DLG1: variants seen among roughly 807,000 people sequenced by gnomAD.
DLG1 encodes the protein discs large MAGUK scaffold protein 1.
DLG1 carries 42 observed loss-of-function variants against 123.4 expected under a neutral mutation model. The observed-to-expected ratio is 0.34, with a 90% CI of 0.27 to 0.44. DLG1 has a LOEUF of 0.44. Among genes scored for constraint, DLG1 ranks in the 20% least tolerant of loss-of-function variants. The pLI, the probability that DLG1 is intolerant of heterozygous loss-of-function variation, is 1.00. For synonymous variants in DLG1, 317 were observed against 356.2 expected (o/e 0.89, Z 1.24); for missense variants, 942 against 1,082.6 (o/e 0.87, Z 1.82).
At chr3:197,051,472 ACGG>A in intron 24 of DLG1, 102 bp downstream of exon 24, 1 of 825,116 alleles carries the variant, frequency 1.2e-6, no homozygotes, top group South Asian at 1.5e-5. Flanking sequence ...ACTAGTTACT[ACGG>A]GTAGATGTAG....
At chr3:197,132,082 C>T (rs906165199) in intron 10 of DLG1, among the ~76,000 whole-genome samples, 1 of 152,004 alleles carries the variant, frequency 6.6e-6, no homozygotes, top group African/African-American at 2.4e-5. Context: ...CTCTTTCATG[C>T]TTGCTTTCAG....
At chr3:197,124,781 A>G (rs1453025357) in intron 11 of DLG1, among the ~76,000 whole-genome samples, 1 of 152,180 alleles carries the variant, frequency 6.6e-6, no homozygotes, top group East Asian at 1.9e-4. Flanking sequence ...ACATGGTAGG[A>G]AAATCAGCTC....
chr3:197,159,261 T>C (rs1473214053), intron 5 of DLG1, among the ~76,000 whole-genome samples: 1 of 152,232 alleles, frequency 6.6e-6, no homozygotes, highest in African/African-American at 2.4e-5. Context: ...AAGACTTTCA[T>C]AAAGTACAAA....
At chr3:197,286,233 A>T (rs1315484325) in intron 3 of DLG1, among the ~76,000 whole-genome samples, 1 of 152,262 alleles carries the variant, frequency 6.6e-6, no homozygotes, top group South Asian at 2.1e-4. Flanking sequence ...GAAGTGGGGT[A>T]CCGGAGAAGA....
chr3:197,259,646 G>A (rs929290365), intron 4 of DLG1, among the ~76,000 whole-genome samples: 8 of 152,104 alleles, frequency 5.3e-5, no homozygotes, highest in Non-Finnish European at 1.2e-4. Flanking sequence ...CACAATGTCT[G>A]CAAACTGGTG....
intron 5 of DLG1, among the ~76,000 whole-genome samples, chr3:197,156,996 T>C (rs1577219827): frequency 6.6e-6 from 1 of 152,096 alleles, no homozygotes; most frequent in Non-Finnish European, 1.5e-5. Context: ...CAAGTGCACA[T>C]GGGAATAGAA....
In DLG1 at chr3:197,043,510, TATTTA is replaced by T. The variant is rs1236529800; in HGVS notation, c.*1108_*1112del. 2.6e-4 allele frequency: 39 copies of T among 152,164 alleles called. No homozygotes were observed. The highest frequency in any genetic ancestry group is 1.2e-3 in the East Asian group (6 of 5,194). The allele number at this position is 152,164 out of a possible 1,614,324, so 9.4% of individuals were successfully genotyped here. On this transcript the variant is annotated 3_prime_UTR_variant, in exon 25 of 25. Coordinates refer to ENST00000667157, the MANE Select transcript of DLG1 (RefSeq NM_001366207.1). ...AAGGAAGATAAGTCTATTCAATTAA[TATTTA>T]ATTTAAAAACCAAACAAAAAGTTAG...
In DLG1 at chr3:197,097,111, C is replaced by G. The variant is rs531750592; in HGVS notation, c.1547-6085G>C. Among the ~76,000 whole-genome samples, 153 of 152,268 alleles carry G rather than the reference C, an allele frequency of 1.0e-3. 2 individuals are homozygous for G. The highest frequency in any genetic ancestry group is 1.5e-3 in the Non-Finnish European group (102 of 68,012). On this transcript the variant is annotated intron_variant, in intron 14 of 24. Coordinates refer to ENST00000667157, the MANE Select transcript of DLG1 (RefSeq NM_001366207.1). ...TTCTATTTCCTTTGGCTCTATTATCCCTATCCTACTCAATTTGGATTTTAT... is the reference window on the plus strand; with the variant it reads ...TTCTATTTCCTTTGGCTCTATTATCGCTATCCTACTCAATTTGGATTTTAT...
chr3:197,149,432 A>G (rs1238090320), intron 6 of DLG1, among the ~76,000 whole-genome samples: 5 of 152,226 alleles, frequency 3.3e-5, no homozygotes, highest in Non-Finnish European at 7.3e-5. Context: ...TTCTAAAATG[A>G]TTTAAATATA....
At chr3:197,066,123 A>C (rs1238078089) in intron 20 of DLG1, among the ~76,000 whole-genome samples, 2 of 152,204 alleles carry the variant, frequency 1.3e-5, no homozygotes, top group African/African-American at 2.4e-5. Context: ...ATGGCTTTGA[A>C]GTAGAAATTG....
intron 4 of DLG1, among the ~76,000 whole-genome samples, chr3:197,246,660 AC>A: frequency 6.6e-6 from 1 of 152,264 alleles, no homozygotes; most frequent in Non-Finnish European, 1.5e-5. Flanking sequence ...TTGAGTAAGC[AC>A]CCTGAAAGTC....
At chr3:197,056,958 T>C (rs906640997) in intron 23 of DLG1, among the ~76,000 whole-genome samples, 1 of 152,248 alleles carries the variant, frequency 6.6e-6, no homozygotes, top group Non-Finnish European at 1.5e-5. Context: ...TCTATACTTC[T>C]GTATGTGGCT....
intron 4 of DLG1, among the ~76,000 whole-genome samples, chr3:197,268,587 AT>A (rs1054760162): frequency 1.4e-3 from 203 of 145,754 alleles, no homozygotes; most frequent in African/African-American, 2.2e-3. Flanking sequence ...ACCACGCCTA[AT>A]TTTTTTTTTT....
rs2148613726 is a variant in DLG1, at chr3:197,042,733, G to A, written c.*1890C>T. On this transcript the variant is annotated 3_prime_UTR_variant, in exon 25 of 25. Coordinates refer to ENST00000667157, the MANE Select transcript of DLG1 (RefSeq NM_001366207.1). ...TTACAACAGTTTTCTTCATACTAGTGTGTTTCTATGTGGTTAACAACCTAC... is the reference window on the plus strand; with the variant it reads ...TTACAACAGTTTTCTTCATACTAGTATGTTTCTATGTGGTTAACAACCTAC... The A allele has an allele frequency of 6.6e-6, 1 of 152,292 alleles. No individual in the cohort carries two copies. Among genetic ancestry groups the A allele is most frequent in the East Asian group, 1.9e-4 (1 of 5,186 alleles). 9.4% of individuals were successfully genotyped at this position (152,292 alleles called of 1,614,324 possible). A position where few individuals can be genotyped will look rare whatever the true frequency, so the allele number is the denominator to read the frequency against.
At position 197,247,121 on chromosome 3, in the gene DLG1, G is replaced by A. The variant is rs762369300; in HGVS notation, c.318+35558C>T. ...TAGTTAAGGGACCATTAACAAAGCC[G>A]ATGCTTCCTTCTCCAAGGGGCACTT... is the stretch of plus-strand genomic sequence containing the variant. On this transcript the variant is annotated intron_variant, in intron 4 of 24. Transcript: ENST00000667157. Among the ~76,000 whole-genome samples, 30 of 152,320 alleles carry A rather than the reference G, an allele frequency of 2.0e-4. 1 individual carries two copies. The Middle Eastern group carries it at 0.027, about 138-fold the overall frequency.
chr3:197,099,889 T>C (rs1299336996), intron 14 of DLG1, among the ~76,000 whole-genome samples: 3 of 152,244 alleles, frequency 2.0e-5, no homozygotes, highest in Non-Finnish European at 4.4e-5. Flanking sequence ...AATAGCTCTC[T>C]GGCATACTCG....
chr3:197,049,530 G>A (rs955816503), intron 24 of DLG1, among the ~76,000 whole-genome samples: 2 of 152,176 alleles, frequency 1.3e-5, no homozygotes, highest in South Asian at 2.1e-4. Context: ...CAAGGCGGGC[G>A]GATCACCTGA....
At chr3:197,242,742 T>C (rs930636832) in intron 4 of DLG1, among the ~76,000 whole-genome samples, 6 of 152,018 alleles carry the variant, frequency 3.9e-5, no homozygotes, top group Non-Finnish European at 8.8e-5. Context: ...AAACACAACA[T>C]ACCAAAGCTA....
At chr3:197,158,549 AC>A (rs1271206486) in intron 5 of DLG1, among the ~76,000 whole-genome samples, 1 of 147,584 alleles carries the variant, frequency 6.8e-6, no homozygotes, top group Non-Finnish European at 1.5e-5. Context: ...CAGGAGAATC[AC>A]CTGAACCCGG....
Sources: gnomAD v4.1 joint callset for allele counts (sites outside exome capture counted in the v4.1 genomes callset) on GRCh38, gnomAD v4.1.1 for gene constraint, MANE v1.5 for transcripts, NCBI Gene and HGNC (gene_info 2026-07-23, HGNC 2026-07-21) for gene names.